The following NRXN1 variants were observed in gnomAD, a reference collection of about 807,000 sequenced individuals.
NRXN1 encodes neurexin 1.
In NRXN1, 39 loss-of-function variants were observed where a neutral mutation model predicts 150.9. The ratio of observed to expected loss-of-function variants is 0.26; its 90% CI spans 0.20 to 0.34. The LOEUF is 0.34. Ranked by LOEUF, NRXN1 falls within the 10% of genes least tolerant of loss-of-function variation. The pLI is 1.00. For missense variants in NRXN1, 1,815 were observed against 1,949.9 expected (o/e 0.93, Z 1.30); for synonymous variants, 924 against 757.0 (o/e 1.22, Z -3.62).
chr2:50,130,509 A>T (rs1705313796), intron 18 of NRXN1, among the ~76,000 whole-genome samples: 1 of 152,180 alleles, frequency 6.6e-6, no homozygotes, highest in Non-Finnish European at 1.5e-5. Context: ...CTTAACTAGA[A>T]ATTAAGGAGG....
At chr2:50,963,204 C>A (rs748419004) in intron 2 of NRXN1, among the ~76,000 whole-genome samples, 1 of 151,600 alleles carries the variant, frequency 6.6e-6, no homozygotes, top group Non-Finnish European at 1.5e-5. Flanking sequence ...ACAACACTTA[C>A]CAGGATGCTG....
chr2:50,422,522 G>A (rs1395188290), intron 17 of NRXN1, among the ~76,000 whole-genome samples: 2 of 152,098 alleles, frequency 1.3e-5, no homozygotes, highest in African/African-American at 4.8e-5. Flanking sequence ...ACCTCATAAT[G>A]AACTGCTTCT....
chr2:50,947,301 T>C (rs533897938), intron 2 of NRXN1, among the ~76,000 whole-genome samples: 78 of 152,148 alleles, frequency 5.1e-4, no homozygotes, highest in African/African-American at 1.8e-3. Flanking sequence ...GTTTGGTGAA[T>C]GAATAAATGA....
intron 17 of NRXN1, among the ~76,000 whole-genome samples, chr2:50,416,175 T>C (rs1440733201): frequency 2.6e-5 from 4 of 152,092 alleles, no homozygotes; most frequent in Non-Finnish European, 5.9e-5. Context: ...AATTGTATTC[T>C]GTACTATGGG....
intron 2 of NRXN1, among the ~76,000 whole-genome samples, chr2:50,931,560 T>C (rs1687749312): frequency 1.3e-5 from 2 of 152,044 alleles, no homozygotes; most frequent in African/African-American, 4.8e-5. Flanking sequence ...TATATTGTTA[T>C]CTTCACTTCA....
intron 8 of NRXN1, among the ~76,000 whole-genome samples, chr2:50,600,956 G>GA (rs1368829649): frequency 2.0e-5 from 3 of 151,754 alleles, no homozygotes; most frequent in South Asian, 2.1e-4. Flanking sequence ...AAAAAAAAAT[G>GA]AAAAAAGAAG....
chr2:50,911,431 G>T (rs930889930), intron 5 of NRXN1, among the ~76,000 whole-genome samples: 1 of 151,034 alleles, frequency 6.6e-6, no homozygotes, highest in Non-Finnish European at 1.5e-5. Context: ...TTCTATACCT[G>T]AGTCTGTCAT....
intron 21 of NRXN1, among the ~76,000 whole-genome samples, chr2:50,004,286 TG>T (rs1212629557): frequency 6.6e-6 from 1 of 152,116 alleles, no homozygotes; most frequent in Non-Finnish European, 1.5e-5. Context: ...AAAATATTTG[TG>T]GTAGTCCATA....
chr2:49,919,077 T>C lies in NRXN1; in HGVS notation c.*2867A>G. 6.6e-6 allele frequency: 1 copy of C among 152,178 alleles called. No individual in the cohort carries two copies. The allele number at this position is 152,178 out of a possible 1,614,324, so 9.4% of individuals were successfully genotyped here. On this transcript the variant is annotated 3_prime_UTR_variant, in exon 23 of 23. Transcript: ENST00000401669. ...TTGACCACTTCACACGTTATTGTAG[T>C]ATTTGTTCTTTTAAAAAAGGCAACA...
At chr2:50,652,859 T>C (rs185964330) in intron 5 of NRXN1, among the ~76,000 whole-genome samples, 2 of 152,224 alleles carry the variant, frequency 1.3e-5, no homozygotes, top group East Asian at 3.9e-4. Context: ...TTATTGTTGA[T>C]GTTTTCCATT....
At chr2:50,462,128 C>T (rs1231308681) in intron 17 of NRXN1, among the ~76,000 whole-genome samples, 3 of 151,856 alleles carry the variant, frequency 2.0e-5, no homozygotes, top group Non-Finnish European at 4.4e-5. Context: ...ATGTGTCTAG[C>T]ACGCTTTGAT....
chr2:50,488,247 T>C (rs564475706), intron 15 of NRXN1, among the ~76,000 whole-genome samples: 2 of 152,340 alleles, frequency 1.3e-5, no homozygotes, highest in Non-Finnish European at 1.5e-5. Flanking sequence ...CTCATATTTG[T>C]ATAATGTGAC....
chr2:51,026,274 G>A (rs1670452099), intron 2 of NRXN1: 5 of 749,886 alleles, frequency 6.7e-6, no homozygotes, highest in Non-Finnish European at 1.2e-5. Flanking sequence ...ATTTATCCAT[G>A]TGTTGATTGC....
At chr2:49,975,354 C>A (rs1313590660) in intron 21 of NRXN1, among the ~76,000 whole-genome samples, 4 of 151,972 alleles carry the variant, frequency 2.6e-5, no homozygotes, top group African/African-American at 4.8e-5. Context: ...TTAATTCTAA[C>A]ATCTTTTAGA....
chr2:50,199,502 A>G (rs1379930945), intron 18 of NRXN1, among the ~76,000 whole-genome samples: 3 of 150,408 alleles, frequency 2.0e-5, no homozygotes, highest in Non-Finnish European at 4.4e-5. Context: ...ATGCCAAAGT[A>G]ATCGCTCTCT....
At chr2:50,013,691 C>G (rs1482466612) in intron 21 of NRXN1, among the ~76,000 whole-genome samples, 5 of 152,102 alleles carry the variant, frequency 3.3e-5, no homozygotes, top group Non-Finnish European at 5.9e-5. Flanking sequence ...TCTGAAACCA[C>G]TTGGTGGAAA....
intron 5 of NRXN1, among the ~76,000 whole-genome samples, chr2:50,664,439 G>GTGTGTGTT (rs56969621): frequency 6.9e-6 from 1 of 145,042 alleles, no homozygotes; most frequent in Admixed American, 6.9e-5. Context: ...GTGTGTGTGT[G>GTGTGTGTT]GCGTGGCGGG....
chr2:50,748,195 G>T (rs537908924), intron 5 of NRXN1, among the ~76,000 whole-genome samples: 6 of 152,142 alleles, frequency 3.9e-5, no homozygotes, highest in Non-Finnish European at 7.3e-5. Flanking sequence ...ATGTTTCTCT[G>T]ACTGCAAAGG....
intron 5 of NRXN1, among the ~76,000 whole-genome samples, chr2:50,885,568 C>T (rs182267338): frequency 6.6e-6 from 1 of 151,386 alleles, no homozygotes; most frequent in East Asian, 1.9e-4. Flanking sequence ...TCTCAAAGCA[C>T]ACAAAACTCT....
Sources: allele counts gnomAD v4.1 joint callset (sites outside exome capture counted in the v4.1 genomes callset), GRCh38; gene constraint gnomAD v4.1.1; transcripts MANE v1.5; gene names NCBI Gene and HGNC (gene_info 2026-07-23, HGNC 2026-07-21).